SLC25A48: variants seen among roughly 807,000 people sequenced by gnomAD.
SLC25A48 encodes CTC-321K16.1.
SLC25A48 carries 29 observed loss-of-function variants against 32.2 expected under a neutral mutation model. The observed-to-expected ratio is 0.90, with a 90% CI of 0.67 to 1.23. The LOEUF (loss-of-function observed/expected upper bound fraction) is 1.23. Ranked by LOEUF, SLC25A48 falls within the 50% of genes most tolerant of loss-of-function variation. The pLI is 0.00. For synonymous variants in SLC25A48, 164 were observed against 172.3 expected, an observed-to-expected ratio of 0.95 and a Z score of 0.38; for missense variants, 399 against 422.7, an observed-to-expected ratio of 0.94 and a Z score of 0.49.
intron 3 of SLC25A48, among the ~76,000 whole-genome samples, chr5:135,639,613 A>G (rs1752786805): frequency 6.6e-6 from 1 of 152,202 alleles, no homozygotes; most frequent in African/African-American, 2.4e-5. Context: ...ATCAAGCCAG[A>G]ATGGAGAGAA....
intron 1 of SLC25A48, among the ~76,000 whole-genome samples, chr5:135,612,720 T>G (rs781649034): frequency 6.6e-6 from 1 of 152,198 alleles, no homozygotes; most frequent in Non-Finnish European, 1.5e-5. Flanking sequence ...CTTATAGGAT[T>G]TCATTCTTTT....
At chr5:135,866,122 A>G (rs1761184742) in intron 4 of SLC25A48, among the ~76,000 whole-genome samples, 1 of 152,166 alleles carries the variant, frequency 6.6e-6, no homozygotes, top group Non-Finnish European at 1.5e-5. Flanking sequence ...TCATTTGTGG[A>G]TGGCTGATTT....
intron 1 of SLC25A48, among the ~76,000 whole-genome samples, chr5:135,628,116 G>T (rs1355739210): frequency 6.6e-6 from 1 of 152,154 alleles, no homozygotes; most frequent in Non-Finnish European, 1.5e-5. Flanking sequence ...GTGACATTTG[G>T]CTGGGTTTGA....
intron 3 of SLC25A48, among the ~76,000 whole-genome samples, chr5:135,640,245 A>C (rs1752799858): frequency 6.6e-6 from 1 of 152,230 alleles, no homozygotes; most frequent in Non-Finnish European, 1.5e-5. Flanking sequence ...GAAAGAGTTA[A>C]AAATTGAACA....
intron 3 of SLC25A48, among the ~76,000 whole-genome samples, chr5:135,785,454 CT>C (rs1214987560): frequency 6.6e-6 from 1 of 150,632 alleles, no homozygotes; most frequent in Non-Finnish European, 1.5e-5. Context: ...GGAACACCCC[CT>C]TTGCCCCATG....
rs1759976436 is a variant in SLC25A48 at position 135,852,648 on chromosome 5, C to T, written c.248C>T (p.Thr83Met). The change falls in exon 4 of 8, where the codon ACG (threonine) becomes ATG (methionine). Residue 83 changes from threonine to methionine, a missense_variant. Physicochemically the swap from Thr to Met is moderately conservative, Grantham distance 81. Transcript: ENST00000681962. Reference sequence around the variant, plus strand: ...GTGGTGTTTGGGGTCTTCAGTAACACGCAGCGGTTCCTCAGCCAGCACCGC... The same window carrying T: ...GTGGTGTTTGGGGTCTTCAGTAACATGCAGCGGTTCCTCAGCCAGCACCGC... ...NSVVFGVFSN[T>M]QRFLSQHRCG... 9 of 1,613,756 alleles carry T rather than the reference C, an allele frequency of 5.6e-6. No individual in the cohort carries two copies. Among genetic ancestry groups the T allele is most frequent in the Non-Finnish European group, 7.6e-6 (9 of 1,179,794 alleles).
chr5:135,706,898 A>C (rs1473031099), intron 3 of SLC25A48, among the ~76,000 whole-genome samples: 2 of 152,230 alleles, frequency 1.3e-5, no homozygotes, highest in Non-Finnish European at 2.9e-5. Context: ...GAAGATCTTC[A>C]TGGGACAAAT....
chr5:135,705,806 A>G (rs1204784853), intron 3 of SLC25A48, among the ~76,000 whole-genome samples: 1 of 152,162 alleles, frequency 6.6e-6, no homozygotes, highest in Non-Finnish European at 1.5e-5. Flanking sequence ...AGGAGATGGA[A>G]CTAAGCCTTC....
chr5:135,584,521 A>T (rs963918067), intron 1 of SLC25A48, among the ~76,000 whole-genome samples: 2 of 152,266 alleles, frequency 1.3e-5, no homozygotes, highest in Non-Finnish European at 2.9e-5. Context: ...TAAAGTGAGG[A>T]AGCATCACTT....
chr5:135,886,671 TGTGAGAGAGAGAGA>T (rs1341903535), intron 7 of SLC25A48, among the ~76,000 whole-genome samples: 3 of 98,674 alleles, frequency 3.0e-5, no homozygotes, highest in African/African-American at 1.3e-4. Flanking sequence ...TGTGTGTGTG[TGTGAGAGAGAGAGA>T]GAGAGAGAGA....
intron 3 of SLC25A48, among the ~76,000 whole-genome samples, chr5:135,711,048 T>C (rs1188008242): frequency 6.6e-6 from 1 of 152,212 alleles, no homozygotes; most frequent in African/African-American, 2.4e-5. Context: ...AGCTGCAAGA[T>C]GGCAGAGCCA....
At chr5:135,683,311 T>C (rs1393603622) in intron 3 of SLC25A48, among the ~76,000 whole-genome samples, 1 of 152,304 alleles carries the variant, frequency 6.6e-6, no homozygotes, top group East Asian at 1.9e-4. Context: ...CATTTTACAG[T>C]GTGGCAGGGA....
chr5:135,781,019 G>A (rs1338393276), intron 3 of SLC25A48, among the ~76,000 whole-genome samples: 4 of 116,690 alleles, frequency 3.4e-5, no homozygotes, highest in African/African-American at 1.0e-4. Flanking sequence ...TATCCAGGGG[G>A]GAGATGATGA....
At chr5:135,631,434 C>T (rs1752566977) in intron 2 of SLC25A48, among the ~76,000 whole-genome samples, 1 of 152,192 alleles carries the variant, frequency 6.6e-6, no homozygotes, top group Non-Finnish European at 1.5e-5. Context: ...TATTGGCAGC[C>T]TTTTATCTTC....
intron 3 of SLC25A48, among the ~76,000 whole-genome samples, chr5:135,734,821 C>CAAAAA (rs1186711507): frequency 1.7e-5 from 2 of 116,790 alleles, no homozygotes; most frequent in Admixed American, 9.2e-5. Flanking sequence ...CATCTCAAAA[C>CAAAAA]AAAAAAAAAA....
chr5:135,844,020 T>A (rs148393508), intron 2 of SLC25A48, among the ~76,000 whole-genome samples: 1 of 152,170 alleles, frequency 6.6e-6, no homozygotes, highest in Non-Finnish European at 1.5e-5. Flanking sequence ...TTAGGGCCCA[T>A]GTCTGGCACT....
At chr5:135,628,666 C>T (rs1463541860) in intron 1 of SLC25A48, among the ~76,000 whole-genome samples, 1 of 152,102 alleles carries the variant, frequency 6.6e-6, no homozygotes, top group African/African-American at 2.4e-5. Context: ...TGTCTCTGAG[C>T]ATGAGGAGAC....
chr5:135,739,141 A>G (rs893587830), intron 3 of SLC25A48, among the ~76,000 whole-genome samples: 2 of 151,980 alleles, frequency 1.3e-5, no homozygotes, highest in African/African-American at 4.8e-5. Context: ...TTTTTGAGGT[A>G]GGGTCTCACT....
chr5:135,865,474 C>T (rs1404177564), intron 4 of SLC25A48, among the ~76,000 whole-genome samples: 1 of 152,154 alleles, frequency 6.6e-6, no homozygotes, highest in Non-Finnish European at 1.5e-5. Flanking sequence ...GTAGGTGGGA[C>T]CCTGATTTTG....
Sources: allele counts gnomAD v4.1 joint callset (sites outside exome capture counted in the v4.1 genomes callset), GRCh38; gene constraint gnomAD v4.1.1; transcripts MANE v1.5; gene names NCBI Gene and HGNC (gene_info 2026-07-23, HGNC 2026-07-21).